The following HEATR5B variants were observed in gnomAD, a reference collection of about 807,000 sequenced individuals.
HEATR5B encodes HEAT repeat-containing protein 5B.
HEATR5B carries 156 observed loss-of-function variants against 224.1 expected under a neutral mutation model. The ratio of observed to expected loss-of-function variants is 0.70; its 90% CI spans 0.61 to 0.80. HEATR5B has a LOEUF of 0.80. Among genes scored for constraint, HEATR5B ranks in the 30% least tolerant of loss-of-function variants. HEATR5B has a pLI of 0.00. For missense variants in HEATR5B, 2,323 were observed against 2,535.5 expected (o/e 0.92, Z 1.80); for synonymous variants, 1,027 against 893.0 (o/e 1.15, Z -2.68).
At chr2:37,058,371 G>A (rs997986232) in intron 14 of HEATR5B, 80 bp downstream of exon 14, 4 of 793,288 alleles carry the variant, frequency 5.0e-6, no homozygotes, top group South Asian at 1.5e-5. Flanking sequence ...GTCAGTGGGA[G>A]AGCCTTTGTC....
rs1167017491 is a variant in HEATR5B, at chr2:37,028,838, A to C, written c.3444T>G (p.Gly1148=). 6.2e-7 allele frequency: 1 copy of C among 1,614,072 alleles called. No homozygotes were observed. The highest frequency in any genetic ancestry group is 8.5e-7 in the Non-Finnish European group (1 of 1,179,974). Residue 1148 remains glycine (G), a synonymous_variant, in exon 23 of 36, where the codon GGT becomes GGG. Coordinates refer to ENST00000233099, the MANE Select transcript of HEATR5B (RefSeq NM_019024.3). ...GCATTCCAAAAAGAAGTCCCTCAAG[A>C]CCAGTTTCTGTTATATTAACACCTT... The part of the protein sequence containing the change: ...RHQGVNITET[G]LEGLLFGMLD...
Position 37,013,924 on chromosome 2 carries a change from C to G in HEATR5B, c.4201G>C (p.Ala1401Pro). The G allele has an allele frequency of 6.2e-7, 1 of 1,612,962 alleles. No individual in the cohort carries two copies. The highest frequency in any genetic ancestry group is 8.5e-7 in the Non-Finnish European group (1 of 1,179,524). Residue 1401 changes from alanine (A) to proline (P), a missense_variant, in exon 27 of 36, where the codon GCT becomes CCT. By Grantham distance (27) the Ala-to-Pro change is conservative. Transcript: ENST00000233099. ...AGCTGGCTGGAAGATCCTTTTCCAG[C>G]CTGAACTTTGTCCAGAGAAGAAACA... ...LLVSSLDKVQ[A>P]GKGSSSQLYR... is the part of the protein sequence containing the mutation.
At chr2:37,060,153 T>C (rs994226662) in intron 12 of HEATR5B, among the ~76,000 whole-genome samples, 2 of 152,210 alleles carry the variant, frequency 1.3e-5, no homozygotes, top group Admixed American at 1.3e-4. Flanking sequence ...GTTTGGAGAT[T>C]TGATAAGGAT....
chr2:37,004,428 C>T (rs561825821), intron 30 of HEATR5B, among the ~76,000 whole-genome samples: 2 of 151,260 alleles, frequency 1.3e-5, no homozygotes, highest in African/African-American at 4.9e-5. Context: ...TCAAGTCTTT[C>T]TTATCACATG....
chr2:37,060,192 A>T (rs1216712490), intron 12 of HEATR5B, among the ~76,000 whole-genome samples: 2 of 152,204 alleles, frequency 1.3e-5, no homozygotes, highest in Non-Finnish European at 2.9e-5. Flanking sequence ...CTCCATTATG[A>T]AAAGACTAAC....
chr2:36,984,181 CA>C (rs1665772782), intron 35 of HEATR5B, among the ~76,000 whole-genome samples: 1 of 67,606 alleles, frequency 1.5e-5, no homozygotes, highest in Non-Finnish European at 2.7e-5. Context: ...GCCTGGGCAA[CA>C]AGAGTGAAAC....
In HEATR5B at chr2:36,988,052, A is replaced by T. The variant is rs543750914; in HGVS notation, c.5911+594T>A. Reference sequence around the variant, plus strand: ...GTGCCATTGCATGCCAGCCTGGGTGACAGAGCGAGACTGTCTAAAAAAAAA... The same window carrying T: ...GTGCCATTGCATGCCAGCCTGGGTGTCAGAGCGAGACTGTCTAAAAAAAAA... On this transcript the variant is annotated intron_variant, in intron 35 of 35. Coordinates refer to ENST00000233099, the MANE Select transcript of HEATR5B (RefSeq NM_019024.3). Among the ~76,000 whole-genome samples the T allele has an allele frequency of 7.0e-4, 107 of 151,994 alleles. No homozygotes were observed. In the South Asian group the frequency reaches 0.022, roughly 31 times the overall value.
At chr2:37,059,462 ATATTTT>A (rs1671138086) in intron 12 of HEATR5B, among the ~76,000 whole-genome samples, 1 of 93,908 alleles carries the variant, frequency 1.1e-5, no homozygotes, top group Admixed American at 1.4e-4. Flanking sequence ...ATATATATAT[ATATTTT>A]TTTTTTTTTT....
Position 37,008,814 on chromosome 2 carries a change from G to A in HEATR5B, c.4319C>T (p.Ala1440Val), listed in dbSNP as rs1262368224. The change falls in exon 28 of 36, where the codon GCA (alanine) becomes GTA (valine). Residue 1440 changes from alanine to valine, a missense_variant. Transcript: ENST00000233099. ...YVVAMNIKKEAESKPKRAIKN... is the reference protein window; with the variant it reads ...YVVAMNIKKEVESKPKRAIKN... ...AATTGCTCTTTTTGGTTTTGACTCT[G>A]CTTCCTTTTTAATATTCATAGCGAC... 5 of 1,613,224 alleles carry A rather than the reference G, an allele frequency of 3.1e-6. No individual in the cohort carries two copies. Among genetic ancestry groups the A allele is most frequent in the Non-Finnish European group, 4.2e-6 (5 of 1,179,526 alleles).
intron 24 of HEATR5B, among the ~76,000 whole-genome samples, chr2:37,021,931 T>C (rs566509240): frequency 6.6e-6 from 1 of 151,446 alleles, no homozygotes; most frequent in Admixed American, 6.6e-5. Context: ...CAGAGCCTCA[T>C]AGGAATATAA....
intron 18 of HEATR5B, among the ~76,000 whole-genome samples, chr2:37,046,489 A>G (rs1338844189): frequency 6.6e-6 from 1 of 151,880 alleles, no homozygotes; most frequent in African/African-American, 2.4e-5. Flanking sequence ...AAATATAAAA[A>G]TTAGCCGGGC....
chr2:37,049,991 A>G (rs751578490), intron 17 of HEATR5B, 148 bp from the exon 18 acceptor site: 7 of 721,144 alleles, frequency 9.7e-6, no homozygotes, highest in Non-Finnish European at 1.4e-5. Flanking sequence ...TCTGAGCTCA[A>G]GCAATCCTCC....
intron 32 of HEATR5B, 109 bp from the exon 33 acceptor site, chr2:37,000,922 TC>T (rs1667051798): frequency 1.4e-6 from 1 of 705,318 alleles, no homozygotes; most frequent in Non-Finnish European, 2.3e-6. Context: ...ATTGTTTTTT[TC>T]CTTGTCTTTA....
chr2:37,056,647 A>C (rs1304379962), intron 15 of HEATR5B, 32 bp from the exon 16 acceptor site: 12 of 1,552,064 alleles, frequency 7.7e-6, no homozygotes, highest in Non-Finnish European at 1.0e-5. Flanking sequence ...ATTATTCAAA[A>C]TCTACTTTAG....
In HEATR5B at chr2:37,065,710, T is replaced by C. The variant is rs1671548034; in HGVS notation, c.1333+45A>G. The C allele has an allele frequency of 2.6e-6, 4 of 1,543,382 alleles. 1 individual carries two copies. The Admixed American group carries it at 5.3e-5, about 21-fold the overall frequency. On this transcript the variant is annotated intron_variant, in intron 9 of 35. Transcript: ENST00000233099. ...ATTAAATATCAATCACACTTATGAC[T>C]GAAAAAAGTGGAAACACATACTAGC...
intron 5 of HEATR5B, among the ~76,000 whole-genome samples, chr2:37,074,778 A>G (rs1053362950): frequency 1.3e-5 from 2 of 152,252 alleles, no homozygotes; most frequent in African/African-American, 4.8e-5. Context: ...TGGATGGCAA[A>G]TAAGCACCTG....
chr2:37,001,571 T>C (rs1667092071), intron 32 of HEATR5B, among the ~76,000 whole-genome samples: 1 of 152,004 alleles, frequency 6.6e-6, no homozygotes, highest in African/African-American at 2.4e-5. Context: ...GGAAGAGGAA[T>C]TGTCTTGAGC....
At chr2:37,007,538 T>G (rs1231254399) in intron 28 of HEATR5B, among the ~76,000 whole-genome samples, 1 of 151,800 alleles carries the variant, frequency 6.6e-6, no homozygotes, top group African/African-American at 2.4e-5. Flanking sequence ...AGAAATGGGG[T>G]TTCACCATGC....
At chr2:36,999,610 C>T (rs182767942) in intron 33 of HEATR5B, among the ~76,000 whole-genome samples, 13 of 151,370 alleles carry the variant, frequency 8.6e-5, no homozygotes, top group Admixed American at 7.9e-4. Flanking sequence ...ATCTGGGAGG[C>T]AAAGGTTGCA....
Sources: gnomAD v4.1 joint callset for allele counts (sites outside exome capture counted in the v4.1 genomes callset) on GRCh38, gnomAD v4.1.1 for gene constraint, MANE v1.5 for transcripts, NCBI Gene and HGNC (gene_info 2026-07-23, HGNC 2026-07-21) for gene names.